USP5: variants seen among roughly 807,000 people sequenced by gnomAD.
USP5 encodes ubiquitin carboxyl-terminal hydrolase 5.
Under a neutral mutation model 102.5 loss-of-function variants are expected in USP5, and 24 were observed. The observed-to-expected ratio is 0.23, with a 90% confidence interval of 0.17 to 0.33. The LOEUF (loss-of-function observed/expected upper bound fraction) is 0.33. Among genes scored for constraint, USP5 ranks in the 10% least tolerant of loss-of-function variants. The probability of loss-of-function intolerance (pLI) is 1.00; values close to 1 mark genes in which losing one functional copy is unlikely to be tolerated. For missense variants in USP5, 753 were observed against 1,122.1 expected (o/e 0.67, Z 4.70); for synonymous variants, 460 against 434.8 (o/e 1.06, Z -0.72).
Position 6,856,350 on chromosome 12 carries a change from C to T in USP5, c.484C>T (p.Arg162Cys), listed in dbSNP as rs752595305. 12 of 1,613,782 alleles carry T rather than the reference C, an allele frequency of 7.4e-6. No homozygotes were observed. Among genetic ancestry groups the T allele is most frequent in the Middle Eastern group, 1.6e-4 (1 of 6,082 alleles). ...CCTACTGTCGGCCGACTCAGCCTCC[C>T]GCAAGCAGGAGGTGCAGGCATGGGA... ...EALLSADSAS[R>C]KQEVQAWDGE... The change falls in exon 5 of 20, where the codon CGC (arginine) becomes TGC (cysteine). Residue 162 changes from arginine (R) to cysteine (C), a missense_variant. By Grantham distance (180) the Arg-to-Cys change is radical (BLOSUM62 -3). Around this residue, in one of 3 missense-constraint regions of USP5, gnomAD observed 527 missense variants for 816.5 expected, o/e 0.65. Coordinates refer to ENST00000229268, the MANE Select transcript of USP5 (RefSeq NM_001098536.2). The surrounding 1 kb of genome is among the most constrained non-coding windows in gnomAD (Gnocchi z 5.6).
In USP5 at chr12:6,856,463, C is replaced by T; in HGVS notation, c.584+13C>T. On this transcript the variant is annotated intron_variant, in intron 5 of 19. Transcript: ENST00000229268. The surrounding 1 kb of genome is among the most constrained non-coding windows in gnomAD (Gnocchi z 5.6). ...GAATCCCTCCCTGGTGAGGCCTGGC[C>T]CCTCTGCCTCGGGCACCACCCCCAG... The T allele has an allele frequency of 1.3e-6, 2 of 1,596,810 alleles. No homozygotes were observed. The highest frequency in any genetic ancestry group is 1.7e-6 in the Non-Finnish European group (2 of 1,170,740).
In USP5 at chr12:6,865,346, G is replaced by A. The variant is rs782310395; in HGVS notation, c.2483+98G>A. The A allele has an allele frequency of 3.6e-6, 4 of 1,115,504 alleles. No individual in the cohort carries two copies. The African/African-American group carries it at 6.1e-5, about 17-fold the overall frequency. The allele number at this position is 1,115,504 out of a possible 1,614,324, so 69.1% of individuals were successfully genotyped here. On this transcript the variant is annotated intron_variant, in intron 19 of 19. Transcript: ENST00000229268. ...GGATAGCTATGGGAGAAGGTGAAGG[G>A]ACTGCCTGATGGGGACATAAAGTGC...
At position 6,852,466 on chromosome 12, in the gene USP5, C is replaced by T. The variant is rs782510282; in HGVS notation, c.111+176C>T. 3.3e-5 allele frequency among the ~76,000 whole-genome samples: 5 copies of T among 152,374 alleles called. No individual in the cohort carries two copies. The East Asian group carries it at 9.6e-4, about 29-fold the overall frequency. On this transcript the variant is annotated intron_variant, in intron 1 of 19. Transcript: ENST00000229268. ...TTAACTGCGGCTGTCGTGTGACTACCGTCCCCGGAAGCCGCCGCGCTCACC... is the reference window on the plus strand; with the variant it reads ...TTAACTGCGGCTGTCGTGTGACTACTGTCCCCGGAAGCCGCCGCGCTCACC...
Position 6,861,408 on chromosome 12 carries a change from C to T in USP5, c.1499-35C>T. ...GGCTAAGGAGGCAAAGAAGCAGCAC[C>T]CTCCGAAGGATCCACCAACCCATTC... On this transcript the variant is annotated intron_variant, in intron 12 of 19. Coordinates refer to ENST00000229268, the MANE Select transcript of USP5 (RefSeq NM_001098536.2). This position sits in a 1 kb window ranked among gnomAD's most constrained non-coding sequence, Gnocchi z 4.9. 2.0e-6 allele frequency: 3 copies of T among 1,535,326 alleles called. No individual in the cohort carries two copies. The highest frequency in any genetic ancestry group is 1.8e-4 in the Middle Eastern group (1 of 5,642).
rs782527176 is a variant in USP5 at position 6,856,827 on chromosome 12, G to A, written c.705G>A (p.Glu235=). 13 of 1,614,166 alleles carry A rather than the reference G, an allele frequency of 8.1e-6. No individual in the cohort carries two copies. The highest frequency in any genetic ancestry group is 1.1e-5 in the Non-Finnish European group (13 of 1,180,024). ...GTGGGGGCAACAACCACGCTGTGGA[G>A]CACTACCGAGAGACAGGCTACCCGT... The part of the protein sequence containing the change: ...DGSGGNNHAV[E]HYRETGYPLA... The change falls in exon 6 of 20, where the codon GAG becomes GAA. Residue 235 remains glutamate, a synonymous_variant. Transcript: ENST00000229268. This position sits in a 1 kb window ranked among gnomAD's most constrained non-coding sequence, Gnocchi z 5.6.
At chr12:6,852,813 C>A (rs971240295) in intron 1 of USP5, among the ~76,000 whole-genome samples, 1 of 152,014 alleles carries the variant, frequency 6.6e-6, no homozygotes, top group Non-Finnish European at 1.5e-5. Context: ...GCCTCCACCC[C>A]GTGGTTAAAA....
Position 6,864,421 on chromosome 12 carries a change from G to A in USP5, c.2244+226G>A, listed in dbSNP as rs1199190441. On this transcript the variant is annotated intron_variant, in intron 17 of 19. Transcript: ENST00000229268. The surrounding 1 kb of genome is among the most constrained non-coding windows in gnomAD (Gnocchi z 4.8). Reference sequence around the variant, plus strand: ...ATGCTTCTGTTTGGCCGGGCGCGGTGGCTCACGCCTGTAATCCCAGCACTT... The same window carrying A: ...ATGCTTCTGTTTGGCCGGGCGCGGTAGCTCACGCCTGTAATCCCAGCACTT... Among the ~76,000 whole-genome samples the A allele has an allele frequency of 2.0e-5, 3 of 152,226 alleles. No individual in the cohort carries two copies. The highest frequency in any genetic ancestry group is 7.2e-5 in the African/African-American group (3 of 41,452).
Position 6,864,931 on chromosome 12 carries a change from C to G in USP5, c.2398+56C>G, listed in dbSNP as rs1420197538. 1 of 1,574,302 alleles carries G rather than the reference C, an allele frequency of 6.4e-7. No homozygotes were observed. Among genetic ancestry groups the G allele is most frequent in the Non-Finnish European group, 8.6e-7 (1 of 1,156,944 alleles). ...GGTGGAATCTGGTCAGTCTACTACA[C>G]CAGATCCCTCATTCAGGCAGCTCTG... On this transcript the variant is annotated intron_variant, in intron 18 of 19. Coordinates refer to ENST00000229268, the MANE Select transcript of USP5 (RefSeq NM_001098536.2). This position sits in a 1 kb window ranked among gnomAD's most constrained non-coding sequence, Gnocchi z 4.8.
At position 6,861,730 on chromosome 12, in the gene USP5, G is replaced by A. The variant is rs1944283993; in HGVS notation, c.1673+113G>A. 8.2e-7 allele frequency: 1 copy of A among 1,223,072 alleles called. No homozygotes were observed. The highest frequency in any genetic ancestry group is 1.5e-5 in the African/African-American group (1 of 64,758). The allele number at this position is 1,223,072 out of a possible 1,614,324, so 75.8% of individuals were successfully genotyped here. The stretch of plus-strand genomic sequence containing the variant: ...CCTTTGTGGTTGGAACCTCAGGGTT[G>A]AATCAGTTGGGCTGGTAATCTGGCC... On this transcript the variant is annotated intron_variant, in intron 13 of 19. Transcript: ENST00000229268. This position sits in a 1 kb window ranked among gnomAD's most constrained non-coding sequence, Gnocchi z 4.9.
In USP5 at chr12:6,863,870, G is replaced by A. The variant is rs1357919143; in HGVS notation, c.1995G>A (p.Glu665=). 6.2e-7 allele frequency: 1 copy of A among 1,611,098 alleles called. No homozygotes were observed. Among genetic ancestry groups the A allele is most frequent in the African/African-American group, 1.3e-5 (1 of 74,878 alleles). The change falls in exon 16 of 20, where the codon GAG becomes GAA. Residue 665 remains glutamate, a synonymous_variant. Transcript: ENST00000229268. This position sits in a 1 kb window ranked among gnomAD's most constrained non-coding sequence, Gnocchi z 4.7. ...LDESVIIQLV[E]MGFPMDACRK... ...AATCAGTCATCATCCAGCTGGTGGA[G>A]ATGGGATTCCCTATGGACGCCTGCC...
chr12:6,866,160 C>T lies in USP5; in HGVS notation c.*83C>T. ...AGGGGCTGAGGGATGGACTTCAGCC[C>T]CTCTGCTCTGTACCCTTTTTCCTTT... On this transcript the variant is annotated 3_prime_UTR_variant, in exon 20 of 20. Coordinates refer to ENST00000229268, the MANE Select transcript of USP5 (RefSeq NM_001098536.2). The surrounding 1 kb of genome is among the most constrained non-coding windows in gnomAD (Gnocchi z 4.7). 7.8e-7 allele frequency: 1 copy of T among 1,287,654 alleles called. No individual in the cohort carries two copies. Among genetic ancestry groups the T allele is most frequent in the African/African-American group, 1.5e-5 (1 of 67,450 alleles). The allele number at this position is 1,287,654 out of a possible 1,614,324, so 79.8% of individuals were successfully genotyped here.
rs1555130071 is a variant in USP5, at chr12:6,863,762, T to C, written c.1955-68T>C. 1 of 1,505,296 alleles carries C rather than the reference T, an allele frequency of 6.6e-7. No homozygotes were observed. Among genetic ancestry groups the C allele is most frequent in the East Asian group, 2.3e-5 (1 of 42,680 alleles). 93.2% of individuals were successfully genotyped at this position (1,505,296 alleles called of 1,614,324 possible). A position where few individuals can be genotyped will look rare whatever the true frequency, so the allele number is the denominator to read the frequency against. On this transcript the variant is annotated intron_variant, in intron 15 of 19. Transcript: ENST00000229268. The surrounding 1 kb of genome is among the most constrained non-coding windows in gnomAD (Gnocchi z 4.7). ...GGGTGATTGGAAGAGGGCTGGGTCC[T>C]GGGGGAGGGAGGAGGAGCAAACAGT...
chr12:6,860,867 T>TCTCTCCCTGA lies in USP5; in HGVS notation c.1345-78_1345-69dup, dbSNP rs1944258248. 6.4e-7 allele frequency: 1 copy of TCTCTCCCTGA among 1,558,154 alleles called. No homozygotes were observed. Among genetic ancestry groups the TCTCTCCCTGA allele is most frequent in the Non-Finnish European group, 8.7e-7 (1 of 1,145,710 alleles). Reference sequence around the variant, plus strand: ...CTGAGTTCCGAGTGGTAGTCTGCCTTCTCTCCCTGACTCTCCCATGAACCT... The same window carrying TCTCTCCCTGA: ...CTGAGTTCCGAGTGGTAGTCTGCCTTCTCTCCCTGACTCTCCCTGACTCTCCCATGAACCT... On this transcript the variant is annotated intron_variant, in intron 11 of 19. Coordinates refer to ENST00000229268, the MANE Select transcript of USP5 (RefSeq NM_001098536.2). The surrounding 1 kb of genome is among the most constrained non-coding windows in gnomAD (Gnocchi z 5.5).
In USP5 at chr12:6,861,640, G is replaced by A; in HGVS notation, c.1673+23G>A. 1 of 1,515,454 alleles carries A rather than the reference G, an allele frequency of 6.6e-7. No homozygotes were observed. Among genetic ancestry groups the A allele is most frequent in the Admixed American group, 2.0e-5 (1 of 49,220 alleles). The allele number at this position is 1,515,454 out of a possible 1,614,324, so 93.9% of individuals were successfully genotyped here. A position where few individuals can be genotyped will look rare whatever the true frequency, so the allele number is the denominator to read the frequency against. On this transcript the variant is annotated intron_variant, in intron 13 of 19. Coordinates refer to ENST00000229268, the MANE Select transcript of USP5 (RefSeq NM_001098536.2). This position sits in a 1 kb window ranked among gnomAD's most constrained non-coding sequence, Gnocchi z 4.9. ...CAAGTAAGTCCTCTGGTCGGGGCCT[G>A]AGGCTGTGGGTCTATGGCAGAGCTA...
intron 6 of USP5, chr12:6,857,272 G>A: frequency 3.1e-6 from 1 of 326,458 alleles, no homozygotes; most frequent in Non-Finnish European, 5.7e-6. Flanking sequence ...CTCCAGCCTG[G>A]GCTACAGAGA....
rs143249320 is a variant in USP5, at chr12:6,852,233, C to T, written c.54C>T (p.Val18=). ...TGTCAGTATTACCGACGATCCGGGT[C>T]CCTAAGGCTGGAGACCGGGTCCACA... ...ALLSVLPTIR[V]PKAGDRVHKD... The change falls in exon 1 of 20, where the codon GTC becomes GTT. Residue 18 remains valine (V), a synonymous_variant. Transcript: ENST00000229268. 1.8e-3 allele frequency: 2,927 copies of T among 1,613,370 alleles called. 53 individuals carry two copies. The African/African-American group carries it at 0.033, about 18-fold the overall frequency.
At position 6,858,381 on chromosome 12, in the gene USP5, G is replaced by C. The variant is rs781935177; in HGVS notation, c.865-43G>C. On this transcript the variant is annotated intron_variant, in intron 7 of 19. Coordinates refer to ENST00000229268, the MANE Select transcript of USP5 (RefSeq NM_001098536.2). This position sits in a 1 kb window ranked among gnomAD's most constrained non-coding sequence, Gnocchi z 4.2. ...TGAGAGATCGAGGTAAAAACTACAG[G>C]GTTGAGTTTCTCACTCAGTCTGAAG... 7.6e-6 allele frequency: 12 copies of C among 1,577,778 alleles called. No homozygotes were observed. Among genetic ancestry groups the C allele is most frequent in the Middle Eastern group, 3.4e-4 (2 of 5,966 alleles).
chr12:6,855,407 G>T lies in USP5; in HGVS notation c.118G>T (p.Glu40Ter), dbSNP rs782567305. 1 of 1,614,206 alleles carries T rather than the reference G, an allele frequency of 6.2e-7. No individual in the cohort carries two copies. The highest frequency in any genetic ancestry group is 1.1e-5 in the South Asian group (1 of 91,084). ...CTTACCTCTTGTCCCACAGGAGTCT[G>T]AGGGGGGCCTCTACATCTGTATGAA... The part of the protein sequence containing the change: ...CAFSFDTPES[E>*]GGLYICMNTF... The change falls in exon 2 of 20, where the codon GAG (glutamate) becomes TAG (stop). Residue 40 changes from glutamate to a stop codon, truncating the protein, a stop_gained. Coordinates refer to ENST00000229268, the MANE Select transcript of USP5 (RefSeq NM_001098536.2). LOFTEE classifies it high-confidence loss of function. The surrounding 1 kb of genome is among the most constrained non-coding windows in gnomAD (Gnocchi z 4.6).
Position 6,856,030 on chromosome 12 carries a change from A to C in USP5, c.318A>C (p.Gly106=), listed in dbSNP as rs2226955. Residue 106 remains glycine, a synonymous_variant, in exon 4 of 20, where the codon GGA becomes GGC. Transcript: ENST00000229268. The surrounding 1 kb of genome is among the most constrained non-coding windows in gnomAD (Gnocchi z 5.6). ...PTRLAIGVEG[G]FDLSEEKFEL... ...CTATCCTTCCAGGTGTTGAAGGCGG[A>C]TTTGACCTTAGCGAGGAGAAGTTTG... 1 of 1,613,754 alleles carries C rather than the reference A, an allele frequency of 6.2e-7. No homozygotes were observed. The highest frequency in any genetic ancestry group is 8.5e-7 in the Non-Finnish European group (1 of 1,179,930).
Sources: gnomAD v4.1 joint callset for allele counts (sites outside exome capture counted in the v4.1 genomes callset) on GRCh38, gnomAD v4.1.1 for gene constraint, gnomAD v4.1.1 regional missense constraint, Gnocchi (gnomAD v3.1) non-coding constraint, MANE v1.5 for transcripts, NCBI Gene and HGNC (gene_info 2026-07-23, HGNC 2026-07-21) for gene names.